KCNMB2: variants seen among roughly 807,000 people sequenced by gnomAD.
KCNMB2 encodes potassium calcium-activated channel subfamily M regulatory beta subunit 2, also known as calcium-activated potassium channel subunit beta-2.
Under a neutral mutation model 24.5 loss-of-function variants are expected in KCNMB2, and 9 were observed. The observed-to-expected ratio is 0.37, with a 90% CI of 0.22 to 0.64. The LOEUF (loss-of-function observed/expected upper bound fraction) is 0.64. Ranked by LOEUF, KCNMB2 falls within the 30% of genes least tolerant of loss-of-function variation. The pLI is 0.63. For synonymous variants in KCNMB2, 109 were observed against 104.4 expected (o/e 1.04, Z -0.27); for missense variants, 226 against 284.3 (o/e 0.79, Z 1.47).
At chr3:178,721,071 A>G (rs1458045976) in intron 1 of KCNMB2, among the ~76,000 whole-genome samples, 5 of 152,078 alleles carry the variant, frequency 3.3e-5, no homozygotes, top group Non-Finnish European at 5.9e-5. Flanking sequence ...CTGAATGGTA[A>G]TGCCTAGGTT....
chr3:178,619,729 G>T (rs556401921), intron 1 of KCNMB2, among the ~76,000 whole-genome samples: 3 of 152,020 alleles, frequency 2.0e-5, no homozygotes, highest in South Asian at 4.1e-4. Flanking sequence ...CCTTTTCCTT[G>T]ACCCACGAAA....
At chr3:178,629,136 C>A (rs1719223125) in intron 1 of KCNMB2, among the ~76,000 whole-genome samples, 1 of 152,140 alleles carries the variant, frequency 6.6e-6, no homozygotes, top group South Asian at 2.1e-4. Flanking sequence ...TCCCGGTTAG[C>A]TTTCCAAACT....
chr3:178,807,192 C>G (rs1331489749), intron 1 of KCNMB2, 151 bp from the exon 2 acceptor site: 2 of 461,744 alleles, frequency 4.3e-6, no homozygotes, highest in South Asian at 4.7e-5. Flanking sequence ...GGACCAGGCT[C>G]TAGTGTTTTC....
chr3:178,746,070 G>C (rs1385921136), intron 1 of KCNMB2, among the ~76,000 whole-genome samples: 1 of 152,192 alleles, frequency 6.6e-6, no homozygotes, highest in African/African-American at 2.4e-5. Flanking sequence ...TGCCCCGGTA[G>C]GGACTCTGTG....
In KCNMB2 at chr3:178,787,258, C is replaced by T. The variant is rs779464342; in HGVS notation, c.-67-20085C>T. 3.2e-4 allele frequency among the ~76,000 whole-genome samples: 49 copies of T among 152,208 alleles called. 1 individual carries two copies. The Middle Eastern group carries it at 0.014, about 42-fold the overall frequency. On this transcript the variant is annotated intron_variant, in intron 1 of 4. Coordinates refer to ENST00000452583, the MANE Select transcript of KCNMB2 (RefSeq NM_181361.3). The stretch of plus-strand genomic sequence containing the variant: ...AAGTGGTAATAGCATATACTTAATG[C>T]TTCCCATGTTGCAGACATTTTTCAC...
rs1414773683 is a variant in KCNMB2, at chr3:178,843,284, G to C, written c.*347G>C. Reference sequence around the variant, plus strand: ...CAATGTGATAAAGTCTGTGTTCTGAGTTGTCAGATCTCTTGAAGACAATAT... The same window carrying C: ...CAATGTGATAAAGTCTGTGTTCTGACTTGTCAGATCTCTTGAAGACAATAT... On this transcript the variant is annotated 3_prime_UTR_variant, in exon 5 of 5. Coordinates refer to ENST00000452583, the MANE Select transcript of KCNMB2 (RefSeq NM_181361.3). The C allele has an allele frequency of 2.2e-6, 1 of 462,922 alleles. No homozygotes were observed. The highest frequency in any genetic ancestry group is 6.7e-5 in the East Asian group (1 of 14,988). 28.7% of individuals were successfully genotyped at this position (462,922 alleles called of 1,614,324 possible). A position where few individuals can be genotyped will look rare whatever the true frequency, so the allele number is the denominator to read the frequency against.
At chr3:178,638,681 T>C (rs1263644943) in intron 1 of KCNMB2, among the ~76,000 whole-genome samples, 1 of 152,182 alleles carries the variant, frequency 6.6e-6, no homozygotes, top group Non-Finnish European at 1.5e-5. Flanking sequence ...TCATATGTAT[T>C]GAGGTTGAAG....
chr3:178,635,215 C>T (rs903504733), intron 1 of KCNMB2, among the ~76,000 whole-genome samples: 11 of 152,232 alleles, frequency 7.2e-5, no homozygotes, highest in South Asian at 6.2e-4. Context: ...CAGAGGAGGA[C>T]ACTTTACCAA....
intron 2 of KCNMB2, among the ~76,000 whole-genome samples, chr3:178,808,277 A>G (rs1229221311): frequency 1.3e-5 from 2 of 152,180 alleles, no homozygotes; most frequent in Non-Finnish European, 2.9e-5. Flanking sequence ...CCTCTTTCTC[A>G]TTGACCTTGC....
chr3:178,783,675 G>C (rs1227783867), intron 1 of KCNMB2, among the ~76,000 whole-genome samples: 2 of 151,646 alleles, frequency 1.3e-5, no homozygotes, highest in Non-Finnish European at 2.9e-5. Flanking sequence ...TTGCTTATCA[G>C]CTTAAGGAGA....
intron 1 of KCNMB2, among the ~76,000 whole-genome samples, chr3:178,609,931 C>A (rs900110534): frequency 2.6e-5 from 4 of 152,152 alleles, no homozygotes; most frequent in African/African-American, 7.2e-5. Context: ...AGTCACCATG[C>A]CCAGCCTGGT....
At chr3:178,738,088 AC>A (rs1723375136) in intron 1 of KCNMB2, among the ~76,000 whole-genome samples, 1 of 152,134 alleles carries the variant, frequency 6.6e-6, no homozygotes, top group East Asian at 1.9e-4. Flanking sequence ...ACTTTTATTA[AC>A]CTTTAGTACT....
At chr3:178,645,727 G>C (rs1719896944) in intron 1 of KCNMB2, among the ~76,000 whole-genome samples, 3 of 152,142 alleles carry the variant, frequency 2.0e-5, no homozygotes, top group African/African-American at 7.2e-5. Context: ...AAAGCCCTCA[G>C]GCAAGACAGA....
intron 1 of KCNMB2, among the ~76,000 whole-genome samples, chr3:178,540,887 C>T (rs1349639044): frequency 6.6e-6 from 1 of 152,146 alleles, no homozygotes; most frequent in Non-Finnish European, 1.5e-5. Context: ...TCTATGAAAG[C>T]AGGAATTTTT....
At chr3:178,755,349 T>C (rs922459772) in intron 1 of KCNMB2, among the ~76,000 whole-genome samples, 49 of 152,180 alleles carry the variant, frequency 3.2e-4, no homozygotes, top group African/African-American at 1.1e-3. Context: ...CACACCACAC[T>C]GGGGGTGGGA....
At chr3:178,613,967 G>C (rs1718587743) in intron 1 of KCNMB2, among the ~76,000 whole-genome samples, 1 of 151,520 alleles carries the variant, frequency 6.6e-6, no homozygotes, top group Admixed American at 6.6e-5. Context: ...CTATTTTCTT[G>C]ATCCTGTAGG....
chr3:178,717,027 T>C (rs889224101), intron 1 of KCNMB2, among the ~76,000 whole-genome samples: 2 of 151,742 alleles, frequency 1.3e-5, no homozygotes, highest in Non-Finnish European at 2.9e-5. Flanking sequence ...GCCCACACTT[T>C]ATGTCTGGGC....
intron 2 of KCNMB2, among the ~76,000 whole-genome samples, chr3:178,808,383 T>C (rs1490310531): frequency 6.6e-6 from 1 of 152,178 alleles, no homozygotes; most frequent in African/African-American, 2.4e-5. Flanking sequence ...CAGAATCTGA[T>C]AGAAGTCAGG....
At chr3:178,781,200 A>G (rs1167523705) in intron 1 of KCNMB2, among the ~76,000 whole-genome samples, 1 of 147,898 alleles carries the variant, frequency 6.8e-6, no homozygotes. Flanking sequence ...TTAAAATTAT[A>G]TATGTGACAC....
Sources: gnomAD v4.1 joint callset for allele counts (sites outside exome capture counted in the v4.1 genomes callset) on GRCh38, gnomAD v4.1.1 for gene constraint, MANE v1.5 for transcripts, NCBI Gene and HGNC (gene_info 2026-07-23, HGNC 2026-07-21) for gene names.